The following PDE3B variants were observed in gnomAD, a reference collection of about 807,000 sequenced individuals.
The protein encoded by PDE3B is cGMP-inhibited 3',5'-cyclic phosphodiesterase 3B.
A neutral mutation model predicts 116.8 loss-of-function variants in PDE3B; 66 were observed. The ratio of observed to expected loss-of-function variants is 0.56; its 90% CI spans 0.46 to 0.69. PDE3B has a LOEUF of 0.69. Among genes scored for constraint, PDE3B ranks in the 30% least tolerant of loss-of-function variants. PDE3B has a pLI of 0.00. For missense variants in PDE3B, 1,384 were observed against 1,368.1 expected, an observed-to-expected ratio of 1.01 and a Z score of -0.18; for synonymous variants, 595 against 533.6, an observed-to-expected ratio of 1.12 and a Z score of -1.59.
intron 4 of PDE3B, among the ~76,000 whole-genome samples, chr11:14,794,445 T>A (rs1858488027): frequency 6.6e-6 from 1 of 151,920 alleles, no homozygotes; most frequent in East Asian, 1.9e-4. Flanking sequence ...TCCTGAGTAG[T>A]TGGGACTACA....
At position 14,644,033 on chromosome 11, in the gene PDE3B, G is replaced by T; in HGVS notation, c.-43G>T. On this transcript the variant is annotated 5_prime_UTR_variant, in exon 1 of 16. Coordinates refer to ENST00000282096, the MANE Select transcript of PDE3B (RefSeq NM_000922.4). ...GGAGCGCGAGCGGCCGCTACGGTAC[G>T]AGCGGGGTGTGCTGAGTCCCGTGGC... The T allele has an allele frequency of 7.1e-7, 1 of 1,412,444 alleles. No homozygotes were observed. Among genetic ancestry groups the T allele is most frequent in the Non-Finnish European group, 9.1e-7 (1 of 1,093,442 alleles). The allele number at this position is 1,412,444 out of a possible 1,614,324, so 87.5% of individuals were successfully genotyped here. A position where few individuals can be genotyped will look rare whatever the true frequency, so the allele number is the denominator to read the frequency against.
chr11:14,877,103 A>G, the PDE3B span, among the ~76,000 whole-genome samples: 1 of 152,148 alleles, frequency 6.6e-6, no homozygotes, highest in Admixed American at 6.6e-5. Context: ...CTGTAATATA[A>G]CAACTTTAGA....
In PDE3B at chr11:14,783,749, C is replaced by T. The variant is rs1017992206; in HGVS notation, c.1030-2688C>T. Among the ~76,000 whole-genome samples the T allele has an allele frequency of 1.4e-4, 21 of 151,454 alleles. 1 individual carries two copies. The highest frequency in any genetic ancestry group is 1.4e-3 in the Admixed American group (21 of 15,208). On this transcript the variant is annotated intron_variant, in intron 2 of 15. Coordinates refer to ENST00000282096, the MANE Select transcript of PDE3B (RefSeq NM_000922.4). The stretch of plus-strand genomic sequence containing the variant: ...CACATTGTGCACATGTACCCTAGAA[C>T]ACAAAATATAATAATAAAAAAAAAG...
intron 5 of PDE3B, among the ~76,000 whole-genome samples, chr11:14,807,576 GA>G (rs1437253686): frequency 6.6e-6 from 1 of 152,016 alleles, no homozygotes; most frequent in Non-Finnish European, 1.5e-5. Flanking sequence ...TCTGAGAAAA[GA>G]AAAGCAAAAA....
chr11:14,707,180 ATAGAAAGCCTTTG>A (rs1239472929), intron 1 of PDE3B, among the ~76,000 whole-genome samples: 3 of 151,990 alleles, frequency 2.0e-5, no homozygotes, highest in African/African-American at 7.2e-5. Flanking sequence ...TTGTGTGGTT[ATAGAAAGCCTTTG>A]TGAGATGACA....
At position 14,801,118 on chromosome 11, in the gene PDE3B, A is replaced by C. The variant is rs1012195061; in HGVS notation, c.1416-2826A>C. Reference sequence around the variant, plus strand: ...AGAACATGCTCCTTTAGCTCGGATTAGTTTGTTGTTACCCACCTTCTGAAG... The same window carrying C: ...AGAACATGCTCCTTTAGCTCGGATTCGTTTGTTGTTACCCACCTTCTGAAG... On this transcript the variant is annotated intron_variant, in intron 4 of 15. Transcript: ENST00000282096. 9.2e-5 allele frequency among the ~76,000 whole-genome samples: 14 copies of C among 152,062 alleles called. 1 individual carries two copies. The highest frequency in any genetic ancestry group is 9.2e-4 in the Admixed American group (14 of 15,274).
Position 14,644,419 on chromosome 11 carries a change from G to A in PDE3B, c.344G>A (p.Cys115Tyr), listed in dbSNP as rs1333546736. 1 of 1,611,474 alleles carries A rather than the reference G, an allele frequency of 6.2e-7. No homozygotes were observed. Among genetic ancestry groups the A allele is most frequent in the Middle Eastern group, 1.7e-4 (1 of 6,050 alleles). Residue 115 changes from cysteine to tyrosine, a missense_variant, in exon 1 of 16, where the codon TGT becomes TAT. Cys to Tyr is a radical substitution (Grantham distance 194). Around this residue, in one of 2 missense-constraint regions of PDE3B, gnomAD observed 956 missense variants for 806.8 expected, o/e 1.18. Transcript: ENST00000282096. ...AAWLRTLLSV[C>Y]SHSLSPLFSI... ...TGGCTGCGGACGCTGCTGAGCGTGT[G>A]TTCGCACAGCTTGAGCCCCCTCTTC...
intron 7 of PDE3B, among the ~76,000 whole-genome samples, chr11:14,828,552 T>C (rs1444838740): frequency 1.3e-5 from 2 of 152,176 alleles, no homozygotes; most frequent in African/African-American, 2.4e-5. Flanking sequence ...AACAATCATA[T>C]GAAAAACAGC....
At chr11:14,667,347 A>G (rs1444769833) in intron 1 of PDE3B, among the ~76,000 whole-genome samples, 2 of 151,566 alleles carry the variant, frequency 1.3e-5, no homozygotes, top group Non-Finnish European at 2.9e-5. Flanking sequence ...TGACGAGTTA[A>G]TGAGTGCAGC....
chr11:14,882,725 A>G, the PDE3B span, among the ~76,000 whole-genome samples: 1 of 152,202 alleles, frequency 6.6e-6, no homozygotes, highest in Non-Finnish European at 1.5e-5. Context: ...TTCAATTAGG[A>G]AAAGAGGAAG....
the PDE3B span, among the ~76,000 whole-genome samples, chr11:14,893,640 T>A: frequency 6.6e-6 from 1 of 152,170 alleles, no homozygotes; most frequent in Non-Finnish European, 1.5e-5. Context: ...TCCTTCCTCT[T>A]CAAGGCCATT....
chr11:14,800,352 C>A (rs1389807101), intron 4 of PDE3B, among the ~76,000 whole-genome samples: 1 of 152,162 alleles, frequency 6.6e-6, no homozygotes, highest in Non-Finnish European at 1.5e-5. Flanking sequence ...GTAATCGCAA[C>A]TACTCAGGAG....
intron 4 of PDE3B, among the ~76,000 whole-genome samples, chr11:14,798,335 A>G (rs184644789): frequency 2.9e-4 from 44 of 152,176 alleles, no homozygotes; most frequent in Admixed American, 2.6e-3. Flanking sequence ...CTGTTTGCCA[A>G]TATTTTATTG....
At chr11:14,822,011 A>G (rs573672803) in intron 7 of PDE3B, among the ~76,000 whole-genome samples, 25 of 151,876 alleles carry the variant, frequency 1.6e-4, no homozygotes, top group Non-Finnish European at 2.9e-4. Flanking sequence ...GGCTCAAGCA[A>G]TCTTCCCTCC....
At chr11:14,880,761 G>A in the PDE3B span, 237 of 1,606,420 alleles carry the variant, frequency 1.5e-4, no homozygotes, top group African/African-American at 2.8e-3. Flanking sequence ...ATCTGGAATT[G>A]AGTAAGCCTG....
At chr11:14,887,112 G>A in the PDE3B span, 1 of 152,262 alleles carries the variant, frequency 6.6e-6, no homozygotes, top group South Asian at 2.1e-4. Context: ...ATGCAGTAAT[G>A]TAGTCCTATT....
At chr11:14,763,441 G>T (rs1310311579) in intron 1 of PDE3B, among the ~76,000 whole-genome samples, 2 of 152,038 alleles carry the variant, frequency 1.3e-5, no homozygotes, top group South Asian at 2.1e-4. Flanking sequence ...CTCTTTTGAA[G>T]AATTTTACAG....
chr11:14,891,876 C>T, the PDE3B span: 3 of 1,445,364 alleles, frequency 2.1e-6, no homozygotes, highest in African/African-American at 1.4e-5. Context: ...ACGGAGAGGT[C>T]CCGACTAGTC....
intron 1 of PDE3B, among the ~76,000 whole-genome samples, chr11:14,761,087 C>A (rs1857348921): frequency 6.6e-6 from 1 of 152,046 alleles, no homozygotes; most frequent in Non-Finnish European, 1.5e-5. Context: ...TCTTTAATCA[C>A]AGTAAAACAC....
Sources: allele counts gnomAD v4.1 joint callset (sites outside exome capture counted in the v4.1 genomes callset), GRCh38; gene constraint gnomAD v4.1.1; regional missense constraint gnomAD v4.1.1; transcripts MANE v1.5; gene names NCBI Gene and HGNC (gene_info 2026-07-23, HGNC 2026-07-21).